OR2T12: variants seen among roughly 807,000 people sequenced by gnomAD.
OR2T12 encodes the protein olfactory receptor 2T12.
For missense variants in OR2T12, 335 were observed against 404.3 expected (o/e 0.83, Z 1.47); for synonymous variants, 127 against 160.5 (o/e 0.79, Z 1.58).
At chr1:248,298,914 A>G (rs1659774040) in intron 2 of OR2T12, among the ~76,000 whole-genome samples, 4 of 152,158 alleles carry the variant, frequency 2.6e-5, no homozygotes, top group Admixed American at 2.0e-4. Flanking sequence ...TTCAACCCAG[A>G]ATTTCATATC....
intron 2 of OR2T12, among the ~76,000 whole-genome samples, chr1:248,296,857 C>A (rs146657088): frequency 0.016 from 2,418 of 152,224 alleles, 55 homozygotes; most frequent in African/African-American, 0.055. Flanking sequence ...CTTTAGTTTA[C>A]TTAGATCCCA....
chr1:248,292,131 T>A lies in OR2T12; in HGVS notation c.*2485A>T, dbSNP rs1224917886. On this transcript the variant is annotated 3_prime_UTR_variant, in exon 3 of 3. Coordinates refer to ENST00000641276, the MANE Select transcript of OR2T12 (RefSeq NM_001004692.2). ...ACAGCAGAAGATGAATAAATTCTAG[T>A]CGGAGCCACAACATTATGTTTCTTA... 4.6e-5 allele frequency: 7 copies of A among 152,092 alleles called. No homozygotes were observed. Among genetic ancestry groups the A allele is most frequent in the Non-Finnish European group, 1.0e-4 (7 of 67,976 alleles). The allele number at this position is 152,092 out of a possible 1,614,324, so 9.4% of individuals were successfully genotyped here. A position where few individuals can be genotyped will look rare whatever the true frequency, so the allele number is the denominator to read the frequency against.
rs1659687617 is a variant in OR2T12 at position 248,294,708 on chromosome 1, T to C, written c.871A>G (p.Arg291Gly). The change falls in exon 3 of 3, where the codon AGG (arginine) becomes GGG (glycine). Residue 291 changes from arginine to glycine, a missense_variant. Arg to Gly is a moderately radical substitution (Grantham distance 125). Coordinates refer to ENST00000641276, the MANE Select transcript of OR2T12 (RefSeq NM_001004692.2). Reference sequence around the variant, plus strand: ...AGGGCTTCCTTGACCTCACTGTTCCTCACACTGTAGATGAGGGGATTTAGT... The same window carrying C: ...AGGGCTTCCTTGACCTCACTGTTCCCCACACTGTAGATGAGGGGATTTAGT... ...PLLNPLIYSV[R>G]NSEVKEALKR... 1 of 1,614,040 alleles carries C rather than the reference T, an allele frequency of 6.2e-7. No homozygotes were observed. The highest frequency in any genetic ancestry group is 2.2e-5 in the East Asian group (1 of 44,886).
chr1:248,297,172 A>G (rs150452781), intron 2 of OR2T12, among the ~76,000 whole-genome samples: 120,753 of 150,626 alleles, frequency 0.8, 48,848 homozygotes, highest in African/African-American at 0.89. Flanking sequence ...GTAGATATGC[A>G]GCGTTATTTC....
At chr1:248,296,626 T>C (rs963668599) in intron 2 of OR2T12, among the ~76,000 whole-genome samples, 23 of 152,324 alleles carry the variant, frequency 1.5e-4, no homozygotes, top group Admixed American at 9.2e-4. Context: ...CATTTTTTCA[T>C]GTGTTTTTTG....
intron 2 of OR2T12, among the ~76,000 whole-genome samples, chr1:248,298,237 G>C (rs1276108503): frequency 2.0e-5 from 3 of 152,132 alleles, no homozygotes; most frequent in Non-Finnish European, 4.4e-5. Context: ...TTGATGAGTT[G>C]CTGGATTTGG....
At chr1:248,297,836 C>G (rs887377713) in intron 2 of OR2T12, among the ~76,000 whole-genome samples, 12 of 149,728 alleles carry the variant, frequency 8.0e-5, no homozygotes, top group Non-Finnish European at 1.5e-5. Context: ...ATTGAATACC[C>G]TTTATTTCCT....
intron 2 of OR2T12, among the ~76,000 whole-genome samples, chr1:248,296,511 C>T (rs544699702): frequency 6.6e-6 from 1 of 152,302 alleles, no homozygotes; most frequent in Non-Finnish European, 1.5e-5. Context: ...TCCTCTCCAG[C>T]ACCTGTTGTT....
At chr1:248,298,451 G>A (rs1310923637) in intron 2 of OR2T12, among the ~76,000 whole-genome samples, 1 of 152,170 alleles carries the variant, frequency 6.6e-6, no homozygotes, top group African/African-American at 2.4e-5. Flanking sequence ...TGTACCTCTG[G>A]TAGAATTTGC....
At chr1:248,302,192 A>G (rs1331925514) in intron 1 of OR2T12, among the ~76,000 whole-genome samples, 2 of 152,204 alleles carry the variant, frequency 1.3e-5, no homozygotes. Context: ...CAAATCTCTC[A>G]TATTGGCAAT....
chr1:248,299,839 C>T (rs992936073), intron 2 of OR2T12, among the ~76,000 whole-genome samples: 4 of 152,188 alleles, frequency 2.6e-5, no homozygotes, highest in African/African-American at 9.6e-5. Flanking sequence ...AACTGTCTCT[C>T]AGACCACGGT....
chr1:248,298,033 C>A (rs1174199518), intron 2 of OR2T12, among the ~76,000 whole-genome samples: 1 of 151,798 alleles, frequency 6.6e-6, no homozygotes, highest in African/African-American at 2.4e-5. Context: ...CCATCAATAC[C>A]TAATTTATTG....
chr1:248,300,752 A>C (rs114007984), intron 2 of OR2T12, among the ~76,000 whole-genome samples: 1 of 152,124 alleles, frequency 6.6e-6, no homozygotes, highest in African/African-American at 2.4e-5. Flanking sequence ...TTTCCACCAT[A>C]ATTTGTCTTT....
rs750328770 is a variant in OR2T12, at chr1:248,294,932, T to C, written c.647A>G (p.Tyr216Cys). The change falls in exon 3 of 3, where the codon TAT becomes TGT. Residue 216 changes from tyrosine to cysteine, a missense_variant. Coordinates refer to ENST00000641276, the MANE Select transcript of OR2T12 (RefSeq NM_001004692.2). ...CAGAACAGCAGCGAGGATGAGACCA[T>C]AGGAGGACAGGATGAGGGAAAAGGG... ...LVPFSLILSS[Y>C]GLILAAVLLM... 7 of 1,611,488 alleles carry C rather than the reference T, an allele frequency of 4.3e-6. No homozygotes were observed. Among genetic ancestry groups the C allele is most frequent in the East Asian group, 2.2e-5 (1 of 44,880 alleles).
Position 248,294,616 on chromosome 1 carries a change from TC to T in OR2T12, c.962del (p.Ter321TyrfsTer16), listed in dbSNP as rs766197533. The part of the protein sequence containing the change: ...HQQNEAHRSR[*>X] The stretch of plus-strand genomic sequence containing the variant: ...GAACTTAGACTCATCTGACACTAGA[TC>T]ATCTTGACCTGTGGGCCTCATTTTG... On this transcript the variant is annotated frameshift_variant and stop_lost, in exon 3 of 3. Coordinates refer to ENST00000641276, the MANE Select transcript of OR2T12 (RefSeq NM_001004692.2). LOFTEE classifies it high-confidence loss of function. 1 of 1,612,756 alleles carries T rather than the reference TC, an allele frequency of 6.2e-7. No individual in the cohort carries two copies. The highest frequency in any genetic ancestry group is 1.7e-5 in the Admixed American group (1 of 59,858).
intron 2 of OR2T12, among the ~76,000 whole-genome samples, chr1:248,297,054 C>T (rs113890411): frequency 3.9e-5 from 6 of 152,170 alleles, no homozygotes; most frequent in African/African-American, 7.2e-5. Flanking sequence ...AGGGATCCAG[C>T]TTCAGCTTTC....
chr1:248,300,331 T>C (rs1389891692), intron 2 of OR2T12, among the ~76,000 whole-genome samples: 1 of 152,128 alleles, frequency 6.6e-6, no homozygotes, highest in East Asian at 1.9e-4. Flanking sequence ...TTTTTGTCAA[T>C]CATCATGAAG....
In OR2T12 at chr1:248,301,552, C is replaced by G. The variant is rs1034346317; in HGVS notation, c.-188G>C. Reference sequence around the variant, plus strand: ...CAACTCCAAGTTATCCAGGACTCTTCACTGCCAAAAAAAGCAGAACATTTT... The same window carrying G: ...CAACTCCAAGTTATCCAGGACTCTTGACTGCCAAAAAAAGCAGAACATTTT... On this transcript the variant is annotated splice_region_variant and 5_prime_UTR_variant, in exon 2 of 3. Coordinates refer to ENST00000641276, the MANE Select transcript of OR2T12 (RefSeq NM_001004692.2). The G allele has an allele frequency of 6.6e-6, 1 of 151,990 alleles. No homozygotes were observed. Among genetic ancestry groups the G allele is most frequent in the Non-Finnish European group, 1.5e-5 (1 of 67,928 alleles). The allele number at this position is 151,990 out of a possible 1,614,324, so 9.4% of individuals were successfully genotyped here.
In OR2T12 at chr1:248,291,002, G is replaced by GT. The variant is rs1304429400; in HGVS notation, c.*3613dup. Reference sequence around the variant, plus strand: ...TATACTTTGCCCACTTTTTGATGGGGTTGTTTTTTTTTTCTTATAAATATG... The same window carrying GT: ...TATACTTTGCCCACTTTTTGATGGGGTTTGTTTTTTTTTTCTTATAAATATG... On this transcript the variant is annotated 3_prime_UTR_variant, in exon 3 of 3. Transcript: ENST00000641276. 2.0e-5 allele frequency: 2 copies of GT among 99,518 alleles called. No individual in the cohort carries two copies. The highest frequency in any genetic ancestry group is 9.2e-5 in the Admixed American group (1 of 10,870). 6.2% of individuals were successfully genotyped at this position (99,518 alleles called of 1,614,324 possible).
Sources: allele counts gnomAD v4.1 joint callset (sites outside exome capture counted in the v4.1 genomes callset), GRCh38; gene constraint gnomAD v4.1.1; transcripts MANE v1.5; gene names NCBI Gene and HGNC (gene_info 2026-07-23, HGNC 2026-07-21).